TOMM70: variants seen among roughly 807,000 people sequenced by gnomAD.
TOMM70 encodes the protein mitochondrial import receptor subunit TOM70.
Under a neutral mutation model 73.6 loss-of-function variants are expected in TOMM70, and 13 were observed. That is an observed-to-expected ratio of 0.18 (90% CI 0.11 to 0.28). The LOEUF (loss-of-function observed/expected upper bound fraction) is 0.28, where lower values mean the gene tolerates loss of function less well. Among genes scored for constraint, TOMM70 ranks in the 10% least tolerant of loss-of-function variants. The probability of loss-of-function intolerance (pLI) is 1.00; values close to 1 mark genes in which losing one functional copy is unlikely to be tolerated. For synonymous variants in TOMM70, 257 were observed against 271.2 expected (o/e 0.95, Z 0.51); for missense variants, 609 against 747.5 (o/e 0.81, Z 2.16).
chr3:100,372,151 T>C (rs1262254798), intron 9 of TOMM70: 1 of 152,774 alleles, frequency 6.5e-6, no homozygotes, highest in Non-Finnish European at 1.5e-5. Context: ...TAAATCCTGC[T>C]TTCCATAGCT....
At position 100,364,313 on chromosome 3, in the gene TOMM70, C is replaced by A. The variant is rs1210249072; in HGVS notation, c.*1251G>T. On this transcript the variant is annotated 3_prime_UTR_variant, in exon 12 of 12. Coordinates refer to ENST00000284320, the MANE Select transcript of TOMM70 (RefSeq NM_014820.5). ...CAAAAAGCACTCTACATGTCCTCAG[C>A]ATCTTCAAAAATAAGTGGCTCAAAA... is the stretch of plus-strand genomic sequence containing the variant. 1 of 152,152 alleles carries A rather than the reference C, an allele frequency of 6.6e-6. No individual in the cohort carries two copies. The allele number at this position is 152,152 out of a possible 1,614,324, so 9.4% of individuals were successfully genotyped here. A position where few individuals can be genotyped will look rare whatever the true frequency, so the allele number is the denominator to read the frequency against.
chr3:100,395,652 A>AT (rs1473979722), intron 1 of TOMM70, among the ~76,000 whole-genome samples: 1 of 150,628 alleles, frequency 6.6e-6, no homozygotes, highest in Non-Finnish European at 1.5e-5. Context: ...CACTTGTGAA[A>AT]TTTATATATA....
rs146711723 is a variant in TOMM70, at chr3:100,374,101, C to T, written c.1228-456G>A. Among the ~76,000 whole-genome samples the T allele has an allele frequency of 2.3e-3, 353 of 152,316 alleles. 9 individuals carry two copies. The highest frequency in any genetic ancestry group is 6.5e-4 in the Non-Finnish European group (44 of 68,016). ...TCATGCATATTTACATTTCAATCAA[C>T]AGACCACATATACAACAGTGGTCCC... On this transcript the variant is annotated intron_variant, in intron 7 of 11. Coordinates refer to ENST00000284320, the MANE Select transcript of TOMM70 (RefSeq NM_014820.5).
At chr3:100,379,306 T>C (rs1321112295) in intron 5 of TOMM70, among the ~76,000 whole-genome samples, 5 of 152,160 alleles carry the variant, frequency 3.3e-5, no homozygotes, top group Non-Finnish European at 5.9e-5. Context: ...TATATCTGTA[T>C]AAAGAAAACT....
At chr3:100,376,403 C>A (rs1706567108) in intron 6 of TOMM70, among the ~76,000 whole-genome samples, 1 of 117,348 alleles carries the variant, frequency 8.5e-6, no homozygotes, top group Non-Finnish European at 1.6e-5. Context: ...ATCTCTGTCA[C>A]CCAGGCTGGA....
intron 1 of TOMM70, among the ~76,000 whole-genome samples, chr3:100,388,455 C>A (rs1706717851): frequency 6.6e-6 from 1 of 152,130 alleles, no homozygotes; most frequent in Admixed American, 6.5e-5. Context: ...ATGGCACACA[C>A]CTATCGTTTC....
intron 1 of TOMM70, among the ~76,000 whole-genome samples, chr3:100,387,599 G>GACACACACACACACACAC (rs71752325): frequency 5.1e-5 from 6 of 118,186 alleles, no homozygotes; most frequent in African/African-American, 9.5e-5. Context: ...CACAGACACA[G>GACACACACACACACACAC]ACACACACAC....
chr3:100,387,243 T>C (rs1706701739), intron 1 of TOMM70, among the ~76,000 whole-genome samples: 1 of 152,076 alleles, frequency 6.6e-6, no homozygotes, highest in Admixed American at 6.6e-5. Flanking sequence ...GGCCAGGAGT[T>C]TGAGACCAGC....
chr3:100,380,202 T>G (rs1241771038), intron 5 of TOMM70, among the ~76,000 whole-genome samples: 1 of 151,922 alleles, frequency 6.6e-6, no homozygotes, highest in African/African-American at 2.4e-5. Context: ...AAAAATTAGC[T>G]GGCGTCGTGG....
rs1198090813 is a variant in TOMM70 at position 100,384,560 on chromosome 3, C to T, written c.654G>A (p.Gly218=). 3 of 1,608,886 alleles carry T rather than the reference C, an allele frequency of 1.9e-6. No individual in the cohort carries two copies. The Admixed American group carries it at 5.1e-5, about 27-fold the overall frequency. ...ACAGCATGCTTTGTTGATTTTGGAA[C>T]CCTTCTAATATACACACAGCAGTGA... ...EDVTAVCILE[G]FQNQQSMLLA... Residue 218 remains glycine (G), a synonymous_variant, in exon 4 of 12, where the codon GGG becomes GGA. Transcript: ENST00000284320.
intron 4 of TOMM70, among the ~76,000 whole-genome samples, chr3:100,382,323 A>C (rs1353175709): frequency 6.6e-6 from 1 of 152,240 alleles, no homozygotes; most frequent in Non-Finnish European, 1.5e-5. Flanking sequence ...TTTATGTATA[A>C]CAAATATCAT....
chr3:100,391,721 G>A (rs570433492), intron 1 of TOMM70, among the ~76,000 whole-genome samples: 9 of 152,084 alleles, frequency 5.9e-5, no homozygotes, highest in African/African-American at 2.2e-4. Context: ...TAAGCTAAAT[G>A]TTACTAAAAA....
In TOMM70 at chr3:100,368,176, C is replaced by G. The variant is rs1706466924; in HGVS notation, c.1551-10G>C. The G allele has an allele frequency of 6.2e-7, 1 of 1,604,078 alleles. No individual in the cohort carries two copies. Among genetic ancestry groups the G allele is most frequent in the South Asian group, 1.1e-5 (1 of 89,272 alleles). ...CTGAAGTTGAAGTAAACTGCAAATG[C>G]AAAAAAATGTCAGATGTGACCATGG... On this transcript the variant is annotated splice_polypyrimidine_tract_variant and intron_variant, in intron 10 of 11. Coordinates refer to ENST00000284320, the MANE Select transcript of TOMM70 (RefSeq NM_014820.5).
chr3:100,386,256 GC>G lies in TOMM70; in HGVS notation c.586del (p.Ala196ProfsTer5). On this transcript the variant is annotated frameshift_variant, in exon 3 of 12. Coordinates refer to ENST00000284320, the MANE Select transcript of TOMM70 (RefSeq NM_014820.5). LOFTEE classifies it high-confidence loss of function. ...CTTCTTATTGTCTAGCTTCTCATGG[GC>G]TTTTGCACGTCTAAAGAGAGCTTTC... is the stretch of plus-strand genomic sequence containing the variant. The part of the protein sequence containing the change: ...YVKALFRRAK[A>X]HEKLDNKKEC... 6.2e-7 allele frequency: 1 copy of G among 1,612,722 alleles called. No individual in the cohort carries two copies. The highest frequency in any genetic ancestry group is 8.5e-7 in the Non-Finnish European group (1 of 1,179,248).
intron 3 of TOMM70, 132 bp from the exon 4 acceptor site, chr3:100,384,720 T>A (rs1043809300): frequency 9.1e-6 from 5 of 548,492 alleles, no homozygotes; most frequent in African/African-American, 7.6e-5. Context: ...TCATTTCCAA[T>A]TAACTGATTC....
intron 11 of TOMM70, among the ~76,000 whole-genome samples, chr3:100,367,634 T>C (rs184515477): frequency 3.9e-5 from 6 of 152,350 alleles, no homozygotes; most frequent in Non-Finnish European, 7.3e-5. Flanking sequence ...GCAATACCAG[T>C]ATTAAGATGG....
intron 2 of TOMM70, 85 bp from the exon 3 acceptor site, chr3:100,386,429 T>A: frequency 7.5e-7 from 1 of 1,342,158 alleles, no homozygotes; most frequent in Non-Finnish European, 9.9e-7. Context: ...GGTTGAGTAT[T>A]AAAAGTCCTA....
rs189754105 is a variant in TOMM70, at chr3:100,365,213, C to T, written c.*351G>A. On this transcript the variant is annotated 3_prime_UTR_variant, in exon 12 of 12. Coordinates refer to ENST00000284320, the MANE Select transcript of TOMM70 (RefSeq NM_014820.5). The stretch of plus-strand genomic sequence containing the variant: ...CTTACATTATTCACACATATATAGA[C>T]GGAATCATCCAGAACATAATCAACT... 1.8e-3 allele frequency: 362 copies of T among 204,672 alleles called. 2 individuals carry two copies. Among genetic ancestry groups the T allele is most frequent in the Non-Finnish European group, 1.3e-3 (128 of 99,436 alleles). 12.7% of individuals were successfully genotyped at this position (204,672 alleles called of 1,614,324 possible). A position where few individuals can be genotyped will look rare whatever the true frequency, so the allele number is the denominator to read the frequency against.
intron 7 of TOMM70, 43 bp downstream of exon 7, chr3:100,374,975 C>T (rs1480571488): frequency 1.4e-6 from 2 of 1,480,494 alleles, no homozygotes; most frequent in Non-Finnish European, 9.0e-7. Context: ...GGTATCAAAG[C>T]TCAATCCACA....
Sources: gnomAD v4.1 joint callset for allele counts (sites outside exome capture counted in the v4.1 genomes callset) on GRCh38, gnomAD v4.1.1 for gene constraint, MANE v1.5 for transcripts, NCBI Gene and HGNC (gene_info 2026-07-23, HGNC 2026-07-21) for gene names.